GRIN2A: variants seen among roughly 807,000 people sequenced by gnomAD.
GRIN2A encodes the protein glutamate receptor ionotropic, NMDA 2A.
Under a neutral mutation model 113.4 loss-of-function variants are expected in GRIN2A, and 22 were observed. That is an observed-to-expected ratio of 0.19 (90% CI 0.14 to 0.28). The LOEUF is 0.28. GRIN2A is among the 10% of genes least tolerant of loss of function. The pLI is 1.00. For synonymous variants in GRIN2A, 827 were observed against 738.4 expected, an observed-to-expected ratio of 1.12 and a Z score of -1.94; for missense variants, 1,502 against 1,887.0, an observed-to-expected ratio of 0.80 and a Z score of 3.78.
chr16:10,015,446 G>T lies in GRIN2A; in HGVS notation c.415-76895C>A, dbSNP rs538319781. Among the ~76,000 whole-genome samples the T allele has an allele frequency of 2.6e-5, 4 of 152,094 alleles. No individual in the cohort carries two copies. The East Asian group carries it at 7.7e-4, about 29-fold the overall frequency. ...GCCTACCTTTGGAGACCTACTTCCA[G>T]GTGACTTATTTTAACTCAGTGACAC... is the stretch of plus-strand genomic sequence containing the variant. On this transcript the variant is annotated intron_variant, in intron 2 of 12. Transcript: ENST00000330684.
At chr16:9,937,237 G>A (rs2044734036) in intron 3 of GRIN2A, among the ~76,000 whole-genome samples, 1 of 151,972 alleles carries the variant, frequency 6.6e-6, no homozygotes, top group Non-Finnish European at 1.5e-5. Flanking sequence ...GGGGCGGGAG[G>A]TGGGGATGAT....
At chr16:10,096,754 A>C (rs949915037) in intron 2 of GRIN2A, among the ~76,000 whole-genome samples, 1 of 151,796 alleles carries the variant, frequency 6.6e-6, no homozygotes, top group South Asian at 2.1e-4. Flanking sequence ...TGTGCCACAT[A>C]CCCCATTCTC....
At chr16:10,106,854 G>A (rs374556367) in intron 2 of GRIN2A, among the ~76,000 whole-genome samples, 3 of 152,146 alleles carry the variant, frequency 2.0e-5, no homozygotes, top group Non-Finnish European at 4.4e-5. Flanking sequence ...CAGGGAAGCT[G>A]GGCTGTGCAA....
At chr16:9,804,252 A>AT (rs1306227123) in intron 10 of GRIN2A, among the ~76,000 whole-genome samples, 2 of 152,094 alleles carry the variant, frequency 1.3e-5, no homozygotes, top group African/African-American at 4.8e-5. Context: ...GACCAATGGC[A>AT]TTTGGAGGGG....
intron 8 of GRIN2A, among the ~76,000 whole-genome samples, chr16:9,831,886 C>G (rs1232526624): frequency 6.6e-6 from 1 of 151,902 alleles, no homozygotes; most frequent in East Asian, 1.9e-4. Context: ...CTGATTTCAT[C>G]TTATACTATT....
intron 2 of GRIN2A, among the ~76,000 whole-genome samples, chr16:9,979,164 G>C (rs1251972975): frequency 6.6e-6 from 1 of 152,132 alleles, no homozygotes; most frequent in Non-Finnish European, 1.5e-5. Flanking sequence ...AGGAACACTA[G>C]ATCTGGAGTC....
chr16:9,969,622 T>A (rs1346365257), intron 2 of GRIN2A, among the ~76,000 whole-genome samples: 1 of 152,110 alleles, frequency 6.6e-6, no homozygotes, highest in Non-Finnish European at 1.5e-5. Context: ...CAGTGATACC[T>A]CAATCCACAG....
intron 2 of GRIN2A, among the ~76,000 whole-genome samples, chr16:9,976,036 CTCCACAA>C (rs1201343826): frequency 2.6e-5 from 4 of 152,188 alleles, no homozygotes; most frequent in Non-Finnish European, 5.9e-5. Context: ...AAATAGACAA[CTCCACAA>C]TCACAGTTTC....
At chr16:9,993,031 C>T (rs572962470) in intron 2 of GRIN2A, among the ~76,000 whole-genome samples, 2 of 151,470 alleles carry the variant, frequency 1.3e-5, no homozygotes, top group East Asian at 3.9e-4. Flanking sequence ...ACCTGGCAAA[C>T]ATGGCAAAAC....
intron 2 of GRIN2A, among the ~76,000 whole-genome samples, chr16:9,984,799 G>A (rs1471071095): frequency 6.6e-6 from 1 of 152,092 alleles, no homozygotes. Flanking sequence ...GGGGCATCCT[G>A]TCTCATAATT....
chr16:9,919,756 G>A (rs2044323254), intron 3 of GRIN2A, among the ~76,000 whole-genome samples: 1 of 152,188 alleles, frequency 6.6e-6, no homozygotes, highest in Non-Finnish European at 1.5e-5. Flanking sequence ...TGAGGACCTA[G>A]AGAACTTGGC....
At chr16:10,105,948 A>G (rs2048492437) in intron 2 of GRIN2A, among the ~76,000 whole-genome samples, 1 of 144,702 alleles carries the variant, frequency 6.9e-6, no homozygotes, top group Admixed American at 6.8e-5. Flanking sequence ...AAATGTATGC[A>G]TAAACATATA....
intron 4 of GRIN2A, among the ~76,000 whole-genome samples, chr16:9,854,050 A>T (rs2141378999): frequency 6.6e-6 from 1 of 152,244 alleles, no homozygotes; most frequent in East Asian, 1.9e-4. Context: ...ATGCGTAATG[A>T]TTGGTTTCTA....
chr16:9,838,565 G>A (rs748403634), intron 7 of GRIN2A, among the ~76,000 whole-genome samples: 1 of 152,170 alleles, frequency 6.6e-6, no homozygotes, highest in Non-Finnish European at 1.5e-5. Context: ...AATGACTGTT[G>A]TTCTTTGTGA....
intron 2 of GRIN2A, among the ~76,000 whole-genome samples, chr16:10,057,903 T>C (rs1247970788): frequency 6.6e-6 from 1 of 152,186 alleles, no homozygotes; most frequent in Non-Finnish European, 1.5e-5. Flanking sequence ...AACGACCACT[T>C]TGGCAGGCTG....
chr16:10,009,537 T>G (rs964405699), intron 2 of GRIN2A, among the ~76,000 whole-genome samples: 1 of 152,002 alleles, frequency 6.6e-6, no homozygotes. Flanking sequence ...ACCCCTAGAC[T>G]CAGACCAGGA....
At chr16:9,798,952 AAAT>A (rs1404814663) in intron 10 of GRIN2A, among the ~76,000 whole-genome samples, 4 of 152,236 alleles carry the variant, frequency 2.6e-5, no homozygotes, top group African/African-American at 9.6e-5. Flanking sequence ...TTAAAAATCC[AAAT>A]AATATAGAAA....
At chr16:10,098,175 C>T (rs554917325) in intron 2 of GRIN2A, among the ~76,000 whole-genome samples, 5 of 152,166 alleles carry the variant, frequency 3.3e-5, no homozygotes, top group African/African-American at 9.6e-5. Context: ...CAAAAGAAGA[C>T]GTACAAATGG....
At chr16:9,765,603 A>G (rs983902579) in intron 12 of GRIN2A, among the ~76,000 whole-genome samples, 4 of 152,178 alleles carry the variant, frequency 2.6e-5, no homozygotes, top group Non-Finnish European at 5.9e-5. Context: ...TTGCAGACTT[A>G]CCATCATGTG....
Sources: allele counts gnomAD v4.1 joint callset (sites outside exome capture counted in the v4.1 genomes callset), GRCh38; gene constraint gnomAD v4.1.1; transcripts MANE v1.5; gene names NCBI Gene and HGNC (gene_info 2026-07-23, HGNC 2026-07-21).